CSMD3: variants seen among roughly 807,000 people sequenced by gnomAD.
CSMD3 encodes the protein CUB and Sushi multiple domains 3, also known as CUB and sushi domain-containing protein 3.
In CSMD3, 177 loss-of-function variants were observed where a neutral mutation model predicts 435.2. That is an observed-to-expected ratio of 0.41 (90% CI 0.36 to 0.46). The LOEUF is 0.46. Ranked by LOEUF, CSMD3 falls within the 20% of genes least tolerant of loss-of-function variation. The pLI, the probability that CSMD3 is intolerant of heterozygous loss-of-function variation, is 0.34. For missense variants in CSMD3, 4,265 were observed against 4,504.6 expected (o/e 0.95, Z 1.52); for synonymous variants, 1,656 against 1,520.5 (o/e 1.09, Z -2.07).
intron 12 of CSMD3, among the ~76,000 whole-genome samples, chr8:112,803,291 C>G (rs1023561845): frequency 3.3e-5 from 5 of 152,132 alleles, no homozygotes; most frequent in African/African-American, 1.2e-4. Context: ...AAGATCAAAG[C>G]AATGGTGTTT....
At chr8:112,675,257 C>A (rs139169980) in intron 16 of CSMD3, among the ~76,000 whole-genome samples, 16 of 152,026 alleles carry the variant, frequency 1.1e-4, no homozygotes, top group Admixed American at 9.9e-4. Flanking sequence ...CGAGTATCCA[C>A]AAGAAAAAGG....
At chr8:112,833,775 T>C (rs2079946029) in intron 11 of CSMD3, among the ~76,000 whole-genome samples, 1 of 151,928 alleles carries the variant, frequency 6.6e-6, no homozygotes, top group Non-Finnish European at 1.5e-5. Context: ...TGTGAACTAA[T>C]AATGACATGA....
chr8:113,054,384 T>C (rs965294235), intron 5 of CSMD3, among the ~76,000 whole-genome samples: 1 of 152,174 alleles, frequency 6.6e-6, no homozygotes, highest in African/African-American at 2.4e-5. Flanking sequence ...CGTGTTTTTC[T>C]CATGAATATA....
At position 113,230,388 on chromosome 8, in the gene CSMD3, G is replaced by A. The variant is rs143055950; in HGVS notation, c.514+48204C>T. ...GTAATAATTTTTATGTTGCCTTTCT[G>A]TACATAATTAAATATTCTTGTATAA... On this transcript the variant is annotated intron_variant, in intron 3 of 70. Transcript: ENST00000297405. Among the ~76,000 whole-genome samples the A allele has an allele frequency of 3.1e-4, 47 of 151,332 alleles. 1 individual carries two copies. The East Asian group carries it at 6.6e-3, about 21-fold the overall frequency.
At chr8:112,310,182 T>A (rs1291828525) in intron 50 of CSMD3, 1 of 152,252 alleles carries the variant, frequency 6.6e-6, no homozygotes, top group Non-Finnish European at 1.5e-5. Flanking sequence ...CGTAAGAGAC[T>A]CAACTACTAT....
intron 1 of CSMD3, among the ~76,000 whole-genome samples, chr8:113,417,390 G>A (rs1037792559): frequency 6.6e-6 from 1 of 151,704 alleles, no homozygotes; most frequent in African/African-American, 2.4e-5. Flanking sequence ...AGAGACAAAG[G>A]AGAAAATAAA....
intron 1 of CSMD3, among the ~76,000 whole-genome samples, chr8:113,390,535 C>T (rs2094457165): frequency 6.6e-6 from 1 of 151,754 alleles, no homozygotes; most frequent in East Asian, 1.9e-4. Context: ...TATTCTATTT[C>T]TTCCATCACT....
intron 27 of CSMD3, chr8:112,539,390 C>T (rs1468646071): frequency 1.3e-5 from 2 of 152,080 alleles, no homozygotes; most frequent in Admixed American, 6.6e-5. Flanking sequence ...ACCAATGCCA[C>T]TCTTCAGAGA....
rs185105081 is a variant in CSMD3 at position 113,073,184 on chromosome 8, T to G, written c.917+25572A>C. ...AGATACTATTTGAGATTCAACATAC[T>G]ATTTCATCTTTTAGAGATTTTACAA... On this transcript the variant is annotated intron_variant, in intron 5 of 70. Coordinates refer to ENST00000297405, the MANE Select transcript of CSMD3 (RefSeq NM_198123.2). Among the ~76,000 whole-genome samples, 79 of 151,974 alleles carry G rather than the reference T, an allele frequency of 5.2e-4. No homozygotes were observed. The East Asian group carries it at 0.013, about 24-fold the overall frequency.
At chr8:112,451,628 T>C (rs1816284748) in intron 32 of CSMD3, among the ~76,000 whole-genome samples, 2 of 151,870 alleles carry the variant, frequency 1.3e-5, no homozygotes, top group Non-Finnish European at 2.9e-5. Flanking sequence ...AACCTCCGCC[T>C]CCCGGGTTCA....
At position 112,473,442 on chromosome 8, in the gene CSMD3, G is replaced by A. The variant is rs567143341; in HGVS notation, c.5279-735C>T. Among the ~76,000 whole-genome samples, 7 of 152,224 alleles carry A rather than the reference G, an allele frequency of 4.6e-5. 1 individual carries two copies. The South Asian group carries it at 1.0e-3, about 23-fold the overall frequency. ...GGATGGTAACTGGTATTCTTTAAGC[G>A]AATAAGATCACTCTGAAAAGTATGT... On this transcript the variant is annotated intron_variant, in intron 31 of 70. Transcript: ENST00000297405.
At chr8:112,353,544 A>G (rs1052242001) in intron 38 of CSMD3, among the ~76,000 whole-genome samples, 3 of 152,200 alleles carry the variant, frequency 2.0e-5, no homozygotes, top group African/African-American at 7.2e-5. Context: ...TTTTTTATCT[A>G]GAGCAAAGGA....
chr8:113,359,142 T>C (rs1349769521), intron 1 of CSMD3, among the ~76,000 whole-genome samples: 1 of 152,122 alleles, frequency 6.6e-6, no homozygotes, highest in East Asian at 1.9e-4. Flanking sequence ...TGCCTCTAAG[T>C]TTGTACGTTT....
chr8:112,765,893 G>T (rs2132169854), intron 13 of CSMD3, among the ~76,000 whole-genome samples: 1 of 151,738 alleles, frequency 6.6e-6, no homozygotes, highest in African/African-American at 2.4e-5. Flanking sequence ...ATTTTGGATG[G>T]TAATTAGTGG....
chr8:112,390,526 CAA>C, intron 36 of CSMD3, 136 bp downstream of exon 36: 1 of 737,654 alleles, frequency 1.4e-6, no homozygotes, highest in Non-Finnish European at 2.3e-6. Context: ...AAATTAATAA[CAA>C]ATATCTTTCT....
rs570851840 is a variant in CSMD3, at chr8:112,851,531, C to T, written c.1755+7614G>A. ...CCTGCGATCCCAGCACTTAGGAGGC[C>T]GAGGCGGGCAGATCATGAGGTCAGG... On this transcript the variant is annotated intron_variant, in intron 11 of 70. Coordinates refer to ENST00000297405, the MANE Select transcript of CSMD3 (RefSeq NM_198123.2). 2.1e-3 allele frequency among the ~76,000 whole-genome samples: 324 copies of T among 152,114 alleles called. 5 individuals are homozygous for T. Among genetic ancestry groups the T allele is most frequent in the Non-Finnish European group, 3.1e-4 (21 of 67,990 alleles).
At chr8:112,792,758 G>A (rs978569249) in intron 13 of CSMD3, among the ~76,000 whole-genome samples, 1 of 151,820 alleles carries the variant, frequency 6.6e-6, no homozygotes, top group East Asian at 1.9e-4. Flanking sequence ...TTTGAATGTG[G>A]CTATACATCT....
At chr8:112,331,369 AAT>A (rs1410776562) in intron 45 of CSMD3, among the ~76,000 whole-genome samples, 1 of 152,046 alleles carries the variant, frequency 6.6e-6, no homozygotes, top group East Asian at 1.9e-4. Context: ...ATGAGAAAAA[AAT>A]ATGATATCTG....
At chr8:112,562,232 A>G (rs1455620060) in intron 24 of CSMD3, among the ~76,000 whole-genome samples, 1 of 151,694 alleles carries the variant, frequency 6.6e-6, no homozygotes, top group Non-Finnish European at 1.5e-5. Flanking sequence ...ATGTATTCAC[A>G]TAGGGTAATG....
Sources: allele counts gnomAD v4.1 joint callset (sites outside exome capture counted in the v4.1 genomes callset), GRCh38; gene constraint gnomAD v4.1.1; transcripts MANE v1.5; gene names NCBI Gene and HGNC (gene_info 2026-07-23, HGNC 2026-07-21).